KALRN: variants seen among roughly 807,000 people sequenced by gnomAD.
KALRN encodes the protein kalirin.
A neutral mutation model predicts 353.7 loss-of-function variants in KALRN; 70 were observed. The ratio of observed to expected loss-of-function variants is 0.20; its 90% CI spans 0.16 to 0.24. The LOEUF is 0.24. Ranked by LOEUF, KALRN falls within the 10% of genes least tolerant of loss-of-function variation. The pLI is 1.00. For synonymous variants in KALRN, 1,391 were observed against 1,434.8 expected, an observed-to-expected ratio of 0.97 and a Z score of 0.69; for missense variants, 2,791 against 3,756.7, an observed-to-expected ratio of 0.74 and a Z score of 6.72.
rs146328835 is a variant in KALRN at position 124,615,443 on chromosome 3, A to G, written c.5183-16977A>G. 5.7e-3 allele frequency among the ~76,000 whole-genome samples: 862 copies of G among 152,348 alleles called. 6 individuals are homozygous for G. The highest frequency in any genetic ancestry group is 0.041 in the Middle Eastern group (12 of 294). ...ATTTTGCTTATTGTCCTATGGTTAT[A>G]TAAGAGATGTCCTTGTTTTAAGGAA... On this transcript the variant is annotated intron_variant, in intron 34 of 59. Transcript: ENST00000682506.
intron 13 of KALRN, among the ~76,000 whole-genome samples, chr3:124,405,871 C>G (rs1386908047): frequency 6.6e-6 from 1 of 152,092 alleles, no homozygotes; most frequent in African/African-American, 2.4e-5. Context: ...GCCTCGATCT[C>G]CTGACCTCGT....
chr3:124,497,322 C>T (rs1380113630), intron 33 of KALRN, among the ~76,000 whole-genome samples: 3 of 152,162 alleles, frequency 2.0e-5, no homozygotes, highest in Non-Finnish European at 4.4e-5. Context: ...TTTATCCAGA[C>T]CTAGTATTTT....
chr3:124,408,716 GAA>G (rs34277503), intron 13 of KALRN, among the ~76,000 whole-genome samples: 1 of 147,652 alleles, frequency 6.8e-6, no homozygotes, highest in South Asian at 2.1e-4. Flanking sequence ...AGGAAGTGGG[GAA>G]AAAAAAAAGG....
chr3:124,465,994 C>G lies in KALRN; in HGVS notation c.4031+3361C>G, dbSNP rs2060296496. On this transcript the variant is annotated intron_variant, in intron 25 of 59. Transcript: ENST00000682506. The stretch of plus-strand genomic sequence containing the variant: ...GTATTGATCTGTCTAAATGGTGTCA[C>G]TTTGAAAAATTGCAACCAGGATTAG... 2.6e-5 allele frequency among the ~76,000 whole-genome samples: 4 copies of G among 151,766 alleles called. No individual in the cohort carries two copies. The South Asian group carries it at 8.3e-4, about 31-fold the overall frequency.
chr3:124,149,644 G>T (rs1424751969), intron 1 of KALRN, among the ~76,000 whole-genome samples: 1 of 152,172 alleles, frequency 6.6e-6, no homozygotes, highest in Non-Finnish European at 1.5e-5. Flanking sequence ...GAGTCTCTTA[G>T]TTGTCTGAGT....
chr3:124,606,522 A>C (rs2077365842), intron 34 of KALRN, among the ~76,000 whole-genome samples: 1 of 152,252 alleles, frequency 6.6e-6, no homozygotes, highest in Non-Finnish European at 1.5e-5. Context: ...ATAAAATATG[A>C]GAACCATAAA....
chr3:124,411,250 A>G (rs1201189896), intron 13 of KALRN, among the ~76,000 whole-genome samples: 1 of 152,082 alleles, frequency 6.6e-6, no homozygotes, highest in Non-Finnish European at 1.5e-5. Context: ...AGAGTGATGG[A>G]AAGGCTCTAT....
intron 34 of KALRN, among the ~76,000 whole-genome samples, chr3:124,590,819 C>T (rs1179097728): frequency 6.6e-6 from 1 of 152,122 alleles, no homozygotes; most frequent in African/African-American, 2.4e-5. Context: ...TCATGGAAAG[C>T]TACAGCCAGA....
chr3:124,462,446 T>C (rs914925118), intron 24 of KALRN, 78 bp from the exon 25 acceptor site: 54 of 798,492 alleles, frequency 6.8e-5, no homozygotes, highest in Non-Finnish European at 1.1e-4. Flanking sequence ...CCCCACAAGT[T>C]TGAGCACCTG....
chr3:124,326,836 A>C (rs1261296561), intron 7 of KALRN, among the ~76,000 whole-genome samples: 1 of 152,222 alleles, frequency 6.6e-6, no homozygotes, highest in Non-Finnish European at 1.5e-5. Flanking sequence ...GCTATTGCTT[A>C]ATTATGTAGG....
chr3:124,495,957 G>GTGTGTGTA (rs1377097482), intron 32 of KALRN, among the ~76,000 whole-genome samples: 2 of 44,224 alleles, frequency 4.5e-5, no homozygotes, highest in Non-Finnish European at 8.7e-5. Context: ...GTGTGTATGT[G>GTGTGTGTA]TATGTATGTA....
chr3:124,291,501 AAGGGTTTTGTTAACCCTTTGCTCGT>A (rs1230377596), intron 5 of KALRN, among the ~76,000 whole-genome samples: 1 of 152,176 alleles, frequency 6.6e-6, no homozygotes, highest in Non-Finnish European at 1.5e-5. Context: ...TAAGAGGGGA[AAGGGTTTTGTTAACCCTTTGCTCGT>A]AGTGGGATAT....
At chr3:124,555,434 TAAA>T (rs1350513509) in intron 33 of KALRN, among the ~76,000 whole-genome samples, 1 of 147,622 alleles carries the variant, frequency 6.8e-6, no homozygotes, top group Non-Finnish European at 1.5e-5. Context: ...AATAAATAAA[TAAA>T]TAAATAAATA....
At chr3:124,213,944 C>T (rs1288563326) in intron 1 of KALRN, among the ~76,000 whole-genome samples, 2 of 151,968 alleles carry the variant, frequency 1.3e-5, no homozygotes, top group Non-Finnish European at 2.9e-5. Flanking sequence ...ATAACCACAA[C>T]CTAATTATTA....
chr3:124,053,095 G>A (rs560920877), intron 1 of KALRN, among the ~76,000 whole-genome samples: 9 of 152,072 alleles, frequency 5.9e-5, no homozygotes, highest in African/African-American at 1.7e-4. Flanking sequence ...GGAGTGCAGC[G>A]GCACAATAGT....
intron 5 of KALRN, among the ~76,000 whole-genome samples, chr3:124,297,592 G>T (rs1175830910): frequency 6.6e-6 from 1 of 152,188 alleles, no homozygotes; most frequent in Non-Finnish European, 1.5e-5. Context: ...ATCCCCTTGG[G>T]GAAGAGAAAC....
chr3:124,478,615 G>A (rs1354816578), intron 27 of KALRN, among the ~76,000 whole-genome samples: 1 of 152,198 alleles, frequency 6.6e-6, no homozygotes, highest in Non-Finnish European at 1.5e-5. Context: ...AAGAACCCAA[G>A]AAAAGTGCTC....
At chr3:124,589,893 CAG>C (rs1429249185) in intron 34 of KALRN, among the ~76,000 whole-genome samples, 2 of 152,158 alleles carry the variant, frequency 1.3e-5, no homozygotes, top group African/African-American at 4.8e-5. Context: ...TATTTTTTGT[CAG>C]AGTTTGGTGA....
intron 34 of KALRN, among the ~76,000 whole-genome samples, chr3:124,594,235 A>AT (rs1030070703): frequency 3.9e-5 from 6 of 152,002 alleles, no homozygotes; most frequent in African/African-American, 1.4e-4. Context: ...ATTTCCAGGA[A>AT]TTTTTTTTGG....
Sources: gnomAD v4.1 joint callset for allele counts (sites outside exome capture counted in the v4.1 genomes callset) on GRCh38, gnomAD v4.1.1 for gene constraint, MANE v1.5 for transcripts, NCBI Gene and HGNC (gene_info 2026-07-23, HGNC 2026-07-21) for gene names.